TMEM163: variants seen among roughly 807,000 people sequenced by gnomAD.
TMEM163 encodes the protein transmembrane protein 163.
In TMEM163, 17 loss-of-function variants were observed where a neutral mutation model predicts 29.3. That is an observed-to-expected ratio of 0.58 (90% CI 0.40 to 0.87). The LOEUF is 0.87. TMEM163 is among the 40% of genes least tolerant of loss of function. The pLI, the probability that TMEM163 is intolerant of heterozygous loss-of-function variation, is 0.00. For synonymous variants in TMEM163, 157 were observed against 160.6 expected, an observed-to-expected ratio of 0.98 and a Z score of 0.17; for missense variants, 303 against 381.5, an observed-to-expected ratio of 0.79 and a Z score of 1.71.
At chr2:134,504,954 C>T in intron 4 of TMEM163, among the ~76,000 whole-genome samples, 1 of 152,168 alleles carries the variant, frequency 6.6e-6, no homozygotes. Flanking sequence ...TCCCAAAGCA[C>T]TTGCCTCCTG....
chr2:134,694,312 A>G (rs1465585794), intron 2 of TMEM163, among the ~76,000 whole-genome samples: 17 of 152,260 alleles, frequency 1.1e-4, no homozygotes. Flanking sequence ...GAATCCCAGT[A>G]CTAGAAGTAT....
In TMEM163 at chr2:134,652,025, C is replaced by T. The variant is rs1164135187; in HGVS notation, c.322+61175G>A. Among the ~76,000 whole-genome samples, 17 of 136,840 alleles carry T rather than the reference C, an allele frequency of 1.2e-4. 1 individual carries two copies. In the South Asian group the frequency reaches 3.4e-3, roughly 28 times the overall value. 89.8% of individuals were successfully genotyped at this position (136,840 alleles called of 152,430 possible). A position where few individuals can be genotyped will look rare whatever the true frequency, so the allele number is the denominator to read the frequency against. Reference sequence around the variant, plus strand: ...TTGGCTTAGGATTGACTTGGTGATGCGGGCTCTTTTTTGGTTCCATATGAA... The same window carrying T: ...TTGGCTTAGGATTGACTTGGTGATGTGGGCTCTTTTTTGGTTCCATATGAA... On this transcript the variant is annotated intron_variant, in intron 2 of 7. Transcript: ENST00000281924.
chr2:134,620,191 T>C (rs1351340969), intron 2 of TMEM163, among the ~76,000 whole-genome samples: 1 of 151,852 alleles, frequency 6.6e-6, no homozygotes, highest in African/African-American at 2.4e-5. Flanking sequence ...ATGCAAAGTA[T>C]CCAAAATAGC....
In TMEM163 at chr2:134,455,820, TG is replaced by T. The variant is rs1686367560; in HGVS notation, c.*895del. 6.6e-6 allele frequency: 1 copy of T among 152,304 alleles called. No individual in the cohort carries two copies. The highest frequency in any genetic ancestry group is 6.5e-5 in the Admixed American group (1 of 15,274). The allele number at this position is 152,304 out of a possible 1,614,324, so 9.4% of individuals were successfully genotyped here. A position where few individuals can be genotyped will look rare whatever the true frequency, so the allele number is the denominator to read the frequency against. The stretch of plus-strand genomic sequence containing the variant: ...CCACTACTGCCCGGGCAAGCAGTGG[TG>T]TGAGAGGTACAGAACGGTGCGGGTT... On this transcript the variant is annotated 3_prime_UTR_variant, in exon 8 of 8. Transcript: ENST00000281924.
chr2:134,619,220 C>A (rs1365428413), intron 2 of TMEM163, among the ~76,000 whole-genome samples: 1 of 152,094 alleles, frequency 6.6e-6, no homozygotes, highest in East Asian at 1.9e-4. Flanking sequence ...CAATTTCTTT[C>A]AAAAAGTAGA....
At chr2:134,601,967 G>A (rs944799413) in intron 2 of TMEM163, among the ~76,000 whole-genome samples, 1 of 152,124 alleles carries the variant, frequency 6.6e-6, no homozygotes, top group Non-Finnish European at 1.5e-5. Context: ...CAGGAAGAGG[G>A]AACAGCTTGA....
chr2:134,467,313 A>G (rs589530), intron 5 of TMEM163: 25,903 of 152,138 alleles, frequency 0.17, 2,751 homozygotes, highest in South Asian at 0.31. Flanking sequence ...GCTGGACTTA[A>G]CAGACTCAAA....
intron 4 of TMEM163, among the ~76,000 whole-genome samples, chr2:134,540,217 C>T (rs958233952): frequency 5.3e-5 from 8 of 152,238 alleles, no homozygotes; most frequent in African/African-American, 1.9e-4. Context: ...AGGCCAGTTA[C>T]GACTCCTTGA....
chr2:134,684,114 G>A (rs1007476019), intron 2 of TMEM163, among the ~76,000 whole-genome samples: 5 of 152,136 alleles, frequency 3.3e-5, no homozygotes, highest in Non-Finnish European at 7.3e-5. Context: ...TTACTGATGA[G>A]GAAAGCAAGA....
chr2:134,499,779 T>C (rs1324065071), intron 5 of TMEM163, among the ~76,000 whole-genome samples: 9 of 152,216 alleles, frequency 5.9e-5, no homozygotes, highest in African/African-American at 1.9e-4. Context: ...AACGCAGTTC[T>C]GCAACTGAGA....
At chr2:134,470,532 G>T (rs1686776236) in intron 5 of TMEM163, among the ~76,000 whole-genome samples, 1 of 152,148 alleles carries the variant, frequency 6.6e-6, no homozygotes, top group African/African-American at 2.4e-5. Flanking sequence ...TTTGCTCCTA[G>T]GACTGGCTCT....
chr2:134,532,232 C>T (rs1165107462), intron 4 of TMEM163, among the ~76,000 whole-genome samples: 1 of 152,188 alleles, frequency 6.6e-6, no homozygotes, highest in African/African-American at 2.4e-5. Flanking sequence ...CGCCTAAATG[C>T]TGGCCCAGCT....
intron 4 of TMEM163, among the ~76,000 whole-genome samples, chr2:134,544,518 C>T (rs1458067788): frequency 6.6e-6 from 1 of 152,154 alleles, no homozygotes; most frequent in East Asian, 1.9e-4. Context: ...TGGCTGGGCA[C>T]AGTGGTGGCT....
At chr2:134,458,195 G>T in intron 6 of TMEM163, 22 bp from the exon 7 acceptor site, 1 of 1,613,536 alleles carries the variant, frequency 6.2e-7, no homozygotes, top group Non-Finnish European at 8.5e-7. Context: ...GTGGAGAGAG[G>T]CTAGATGGCA....
intron 2 of TMEM163, among the ~76,000 whole-genome samples, chr2:134,636,114 C>T (rs555833725): frequency 6.6e-6 from 1 of 152,192 alleles, no homozygotes; most frequent in African/African-American, 2.4e-5. Context: ...AACACGAGGA[C>T]ATGTGGACCA....
At chr2:134,705,194 A>G (rs565060932) in intron 2 of TMEM163, among the ~76,000 whole-genome samples, 3 of 150,824 alleles carry the variant, frequency 2.0e-5, no homozygotes, top group African/African-American at 7.4e-5. Flanking sequence ...TGGGCGACAG[A>G]GCAAGACTCC....
intron 2 of TMEM163, among the ~76,000 whole-genome samples, chr2:134,649,715 C>T (rs6724774): frequency 0.5 from 75,586 of 151,648 alleles, 19,555 homozygotes; most frequent in Non-Finnish European, 0.56. Flanking sequence ...CTCTATAGAA[C>T]ATTATGCAGC....
intron 5 of TMEM163, among the ~76,000 whole-genome samples, chr2:134,471,528 G>T (rs767085649): frequency 5.4e-4 from 82 of 152,164 alleles, no homozygotes; most frequent in Non-Finnish European, 1.0e-3. Context: ...CTGTGAAGAT[G>T]AAATTCCTGT....
intron 2 of TMEM163, among the ~76,000 whole-genome samples, chr2:134,586,498 T>A (rs969437510): frequency 6.6e-6 from 1 of 152,208 alleles, no homozygotes; most frequent in East Asian, 1.9e-4. Context: ...TTTCCCCTTT[T>A]CATAAGGACG....
Sources: allele counts gnomAD v4.1 joint callset (sites outside exome capture counted in the v4.1 genomes callset), GRCh38; gene constraint gnomAD v4.1.1; transcripts MANE v1.5; gene names NCBI Gene and HGNC (gene_info 2026-07-23, HGNC 2026-07-21).